STAT5B: variants seen among roughly 807,000 people sequenced by gnomAD.
STAT5B encodes the protein signal transducer and activator of transcription 5B.
STAT5B carries 21 observed loss-of-function variants against 107.8 expected under a neutral mutation model. That is an observed-to-expected ratio of 0.19 (90% CI 0.14 to 0.28). The LOEUF (loss-of-function observed/expected upper bound fraction) is 0.28. STAT5B is among the 10% of genes least tolerant of loss of function. STAT5B has a pLI of 1.00. For synonymous variants in STAT5B, 325 were observed against 401.7 expected (o/e 0.81, Z 2.28); for missense variants, 565 against 1,008.2 (o/e 0.56, Z 5.95).
intron 15 of STAT5B, among the ~76,000 whole-genome samples, chr17:42,209,414 G>A (rs1311917614): frequency 1.3e-5 from 2 of 152,194 alleles, no homozygotes; most frequent in Non-Finnish European, 2.9e-5. Context: ...CTTATTGTGA[G>A]GGTCAGAGGA....
chr17:42,226,186 C>T (rs1357180852), intron 3 of STAT5B, among the ~76,000 whole-genome samples: 1 of 152,110 alleles, frequency 6.6e-6, no homozygotes, highest in Non-Finnish European at 1.5e-5. Flanking sequence ...TCACCCGCCT[C>T]AGCCTCCCAA....
At chr17:42,255,395 A>C (rs2080534164) in intron 1 of STAT5B, among the ~76,000 whole-genome samples, 1 of 152,238 alleles carries the variant, frequency 6.6e-6, no homozygotes, top group African/African-American at 2.4e-5. Context: ...CCCTAGTGGT[A>C]TGCAACAAGC....
chr17:42,235,210 A>G (rs563749528), intron 1 of STAT5B: 1 of 152,284 alleles, frequency 6.6e-6, no homozygotes, highest in African/African-American at 2.4e-5. Context: ...ATCATTTATC[A>G]ATTCCTGATA....
upstream of STAT5B, among the ~76,000 whole-genome samples, chr17:42,277,459 C>G (rs2080775019): frequency 6.6e-6 from 1 of 152,188 alleles, no homozygotes; most frequent in Non-Finnish European, 1.5e-5. Context: ...TTTCCAGCGG[C>G]CTTCTCTTCA....
rs948324658 is a variant in STAT5B at position 42,215,246 on chromosome 17, A to C, written c.1473+768T>G. On this transcript the variant is annotated intron_variant, in intron 12 of 18. Coordinates refer to ENST00000293328, the MANE Select transcript of STAT5B (RefSeq NM_012448.4). ...ATTGAAAGGAAGAGGGTATGAAGCA[A>C]CTTCTATGCTAAAGTAAGCCTCTGG... 8.9e-4 allele frequency among the ~76,000 whole-genome samples: 136 copies of C among 152,188 alleles called. 1 individual carries two copies. The highest frequency in any genetic ancestry group is 1.8e-3 in the Non-Finnish European group (124 of 68,030).
chr17:42,200,775 G>A lies in STAT5B; in HGVS notation c.*963C>T, dbSNP rs1035852814. On this transcript the variant is annotated 3_prime_UTR_variant, in exon 19 of 19. Transcript: ENST00000293328. Reference sequence around the variant, plus strand: ...AACCATGATTCAACATTTGCAAAAAGCATCATCAATAAGCCTGAAGAAGGC... The same window carrying A: ...AACCATGATTCAACATTTGCAAAAAACATCATCAATAAGCCTGAAGAAGGC... 6.7e-6 allele frequency: 2 copies of A among 296,642 alleles called. No homozygotes were observed. The highest frequency in any genetic ancestry group is 1.2e-5 in the Non-Finnish European group (2 of 162,092). The allele number at this position is 296,642 out of a possible 1,614,324, so 18.4% of individuals were successfully genotyped here. A position where few individuals can be genotyped will look rare whatever the true frequency, so the allele number is the denominator to read the frequency against.
At chr17:42,267,429 T>C (rs141973295) in intron 1 of STAT5B, among the ~76,000 whole-genome samples, 100 of 152,350 alleles carry the variant, frequency 6.6e-4, no homozygotes, top group Middle Eastern at 3.4e-3. Context: ...ACAGTGATAC[T>C]GATGACCCTG....
At chr17:42,248,622 T>C (rs1186432444) in intron 1 of STAT5B, among the ~76,000 whole-genome samples, 1 of 152,234 alleles carries the variant, frequency 6.6e-6, no homozygotes, top group African/African-American at 2.4e-5. Context: ...CTTGAGTGCA[T>C]GCTCCTACAG....
chr17:42,209,189 G>A (rs1213159904), intron 15 of STAT5B, among the ~76,000 whole-genome samples: 1 of 151,902 alleles, frequency 6.6e-6, no homozygotes, highest in Admixed American at 6.6e-5. Context: ...CGCACACCAT[G>A]AGCACCACCA....
chr17:42,247,511 C>T (rs558388109), intron 1 of STAT5B, among the ~76,000 whole-genome samples: 1 of 152,290 alleles, frequency 6.6e-6, no homozygotes, highest in Non-Finnish European at 1.5e-5. Flanking sequence ...CTGGTTAGTT[C>T]CCTTGTTTGC....
intron 1 of STAT5B, among the ~76,000 whole-genome samples, chr17:42,255,982 G>C (rs2080540650): frequency 6.6e-6 from 1 of 152,124 alleles, no homozygotes; most frequent in African/African-American, 2.4e-5. Flanking sequence ...CAGCTACTCA[G>C]GAGGCTGAGG....
intron 1 of STAT5B, among the ~76,000 whole-genome samples, chr17:42,242,372 G>C (rs916372955): frequency 6.6e-6 from 1 of 152,114 alleles, no homozygotes; most frequent in Admixed American, 6.6e-5. Flanking sequence ...ACAGCATTTA[G>C]TCTCAAAGTA....
At chr17:42,269,110 G>A (rs551169534) in intron 1 of STAT5B, among the ~76,000 whole-genome samples, 10 of 152,214 alleles carry the variant, frequency 6.6e-5, no homozygotes, top group Admixed American at 2.0e-4. Context: ...GTCTCGCTCC[G>A]TCTCCCAGGC....
At chr17:42,243,887 A>G (rs2080426768) in intron 1 of STAT5B, among the ~76,000 whole-genome samples, 1 of 150,920 alleles carries the variant, frequency 6.6e-6, no homozygotes, top group Non-Finnish European at 1.5e-5. Context: ...ATGTGTTATC[A>G]TTATCTCCAT....
At chr17:42,219,945 A>G (rs1300419379) in intron 5 of STAT5B, 103 bp from the exon 6 acceptor site, 2 of 1,568,886 alleles carry the variant, frequency 1.3e-6, no homozygotes, top group Non-Finnish European at 1.7e-6. Context: ...TCCTGGGCTC[A>G]GATACTGCAT....
At chr17:42,268,876 G>A (rs1430086652) in intron 1 of STAT5B, among the ~76,000 whole-genome samples, 1 of 152,098 alleles carries the variant, frequency 6.6e-6, no homozygotes, top group East Asian at 1.9e-4. Flanking sequence ...TAAATATACT[G>A]TAGAATGAAT....
intron 1 of STAT5B, among the ~76,000 whole-genome samples, chr17:42,267,692 C>T (rs1477834232): frequency 6.6e-6 from 1 of 152,184 alleles, no homozygotes; most frequent in Non-Finnish European, 1.5e-5. Flanking sequence ...GGCACGGCGG[C>T]TCACACCTAT....
At position 42,223,468 on chromosome 17, in the gene STAT5B, G is replaced by A. The variant is rs138255473; in HGVS notation, c.464C>T (p.Thr155Met). 20 of 1,613,988 alleles carry A rather than the reference G, an allele frequency of 1.2e-5. No individual in the cohort carries two copies. The East Asian group carries it at 1.6e-4, about 13-fold the overall frequency. The change falls in exon 5 of 19, where the codon ACG becomes ATG. Residue 155 changes from threonine (T) to methionine (M), a missense_variant. Transcript: ENST00000293328. Reference protein sequence around the residue: ...NQTFEELRLVTQDTENELKKL... With the variant: ...NQTFEELRLVMQDTENELKKL... ...TTTTAACTCATTCTCTGTGTCCTGC[G>A]TGACCAGTCGCAGCTCCTCAAACGT...
intron 1 of STAT5B, among the ~76,000 whole-genome samples, chr17:42,274,107 C>T (rs1335710794): frequency 6.6e-6 from 1 of 151,930 alleles, no homozygotes; most frequent in Non-Finnish European, 1.5e-5. Context: ...ATATTAATAT[C>T]CCGTGGGCAA....
Sources: gnomAD v4.1 joint callset for allele counts (sites outside exome capture counted in the v4.1 genomes callset) on GRCh38, gnomAD v4.1.1 for gene constraint, MANE v1.5 for transcripts, NCBI Gene and HGNC (gene_info 2026-07-23, HGNC 2026-07-21) for gene names.